The following HIPK4 variants were observed in gnomAD, a reference collection of about 807,000 sequenced individuals.
HIPK4 encodes homeodomain interacting protein kinase 4.
In HIPK4, 26 loss-of-function variants were observed where a neutral mutation model predicts 44.8. The observed-to-expected ratio is 0.58, with a 90% CI of 0.43 to 0.80. The LOEUF is 0.80. HIPK4 is among the 30% of genes least tolerant of loss of function. The pLI is 0.00. For missense variants in HIPK4, 729 were observed against 862.6 expected (o/e 0.85, Z 1.94); for synonymous variants, 340 against 355.5 (o/e 0.96, Z 0.49).
In HIPK4 at chr19:40,383,777, C is replaced by A. The variant is rs781211143; in HGVS notation, c.822+6G>T. ...ACTGACTGCCCTCACCCAACTTTTCCCTTACCTTCGTCTCGGCCAGGTAGT... is the reference window on the plus strand; with the variant it reads ...ACTGACTGCCCTCACCCAACTTTTCACTTACCTTCGTCTCGGCCAGGTAGT... On this transcript the variant is annotated splice_donor_region_variant and intron_variant, in intron 2 of 3. Coordinates refer to ENST00000291823, the MANE Select transcript of HIPK4 (RefSeq NM_144685.5). The A allele has an allele frequency of 2.5e-6, 4 of 1,595,402 alleles. No individual in the cohort carries two copies. The Admixed American group carries it at 6.9e-5, about 27-fold the overall frequency.
Position 40,384,047 on chromosome 19 carries a change from G to T in HIPK4, c.558C>A (p.Ile186=). The change falls in exon 2 of 4, where the codon ATC becomes ATA. Residue 186 remains isoleucine (I), a synonymous_variant. Coordinates refer to ENST00000291823, the MANE Select transcript of HIPK4 (RefSeq NM_144685.5). ...TCTCGCAGAAGGGCAGCCCCAGCAG[G>T]ATCTCAGGGGCCCGGTAGAAGCGCG... ...IQSRFYRAPE[I]LLGLPFCEKV... 2 of 1,613,926 alleles carry T rather than the reference G, an allele frequency of 1.2e-6. No homozygotes were observed. The highest frequency in any genetic ancestry group is 1.7e-6 in the Non-Finnish European group (2 of 1,179,826).
At chr19:40,387,453 T>A (rs2079368349) in intron 1 of HIPK4, among the ~76,000 whole-genome samples, 1 of 152,152 alleles carries the variant, frequency 6.6e-6, no homozygotes. Flanking sequence ...ACCCTGAATC[T>A]CCGTGACTCT....
intron 2 of HIPK4, 72 bp downstream of exon 2, chr19:40,383,711 G>T: frequency 8.3e-7 from 1 of 1,206,486 alleles, no homozygotes; most frequent in Non-Finnish European, 1.2e-6. Context: ...TGTGAGCCAC[G>T]TTGCCCACCC....
In HIPK4 at chr19:40,384,014, G is replaced by C; in HGVS notation, c.591C>G (p.Asp197Glu). 1.2e-6 allele frequency: 2 copies of C among 1,614,106 alleles called. No homozygotes were observed. Among genetic ancestry groups the C allele is most frequent in the Non-Finnish European group, 1.7e-6 (2 of 1,179,966 alleles). ...CCATGACGCAGCCCAGGGACCACACGTCCACCTTCTCGCAGAAGGGCAGCC... is the reference window on the plus strand; with the variant it reads ...CCATGACGCAGCCCAGGGACCACACCTCCACCTTCTCGCAGAAGGGCAGCC... Reference protein sequence around the residue: ...LLGLPFCEKVDVWSLGCVMAE... With the variant: ...LLGLPFCEKVEVWSLGCVMAE... Residue 197 changes from aspartate to glutamate, a missense_variant, in exon 2 of 4, where the codon GAC becomes GAG. This residue lies in a region of HIPK4 where 196 missense variants were observed against 295.1 expected (regional missense o/e 0.66). Coordinates refer to ENST00000291823, the MANE Select transcript of HIPK4 (RefSeq NM_144685.5).
In HIPK4 at chr19:40,386,388, C is replaced by G. The variant is rs573240672; in HGVS notation, c.466-2249G>C. ...TCCTTTTTAGAGACAGGGTCTTGCT[C>G]TATCACCCAGGCTGGAGTACAGTGG... On this transcript the variant is annotated intron_variant, in intron 1 of 3. Transcript: ENST00000291823. Among the ~76,000 whole-genome samples the G allele has an allele frequency of 2.4e-4, 37 of 152,182 alleles. No individual in the cohort carries two copies. The East Asian group carries it at 7.0e-3, about 29-fold the overall frequency.
Position 40,379,629 on chromosome 19 carries a change from CCGGGGTGGACCATGCT to C in HIPK4, c.1793_1808del (p.Gln598ArgfsTer28), listed in dbSNP as rs1173499492. 2.6e-6 allele frequency: 4 copies of C among 1,551,174 alleles called. No individual in the cohort carries two copies. Among genetic ancestry groups the C allele is most frequent in the Non-Finnish European group, 3.5e-6 (4 of 1,149,880 alleles). Reference sequence around the variant, plus strand: ...CATGCTGGAGGAAGCTGGTGGCCCCCCGGGGTGGACCATGCTGGTGGGAGCGGCGGGGTGGGAGCCC... The same window carrying C: ...CATGCTGGAGGAAGCTGGTGGCCCCCGGTGGGAGCGGCGGGGTGGGAGCCC... On this transcript the variant is annotated frameshift_variant, in exon 4 of 4. Coordinates refer to ENST00000291823, the MANE Select transcript of HIPK4 (RefSeq NM_144685.5). LOFTEE classifies it high-confidence loss of function.
rs1271788944 is a variant in HIPK4, at chr19:40,390,027, TCTC to T, written c.-128_-126del. 2.9e-6 allele frequency: 2 copies of T among 695,198 alleles called. No individual in the cohort carries two copies. The highest frequency in any genetic ancestry group is 3.6e-5 in the African/African-American group (2 of 55,498). The allele number at this position is 695,198 out of a possible 1,614,324, so 43.1% of individuals were successfully genotyped here. On this transcript the variant is annotated 5_prime_UTR_variant, in exon 1 of 4. Transcript: ENST00000291823. ...TGGGGGAAAGAGAACCGCACTCGTG[TCTC>T]CTCCTATGAGGTTGGCCCCTGCTTC... is the stretch of plus-strand genomic sequence containing the variant.
Position 40,380,090 on chromosome 19 carries a change from G to A in HIPK4, c.1668+233C>T. Among the ~76,000 whole-genome samples, 1 of 152,094 alleles carries A rather than the reference G, an allele frequency of 6.6e-6. No individual in the cohort carries two copies. The highest frequency in any genetic ancestry group is 1.5e-5 in the Non-Finnish European group (1 of 68,008). ...CTCTTTATCAAGCTTCTTATAAGTA[G>A]ATTACTGTGCCCTGAGTTTTTGTCA... On this transcript the variant is annotated intron_variant, in intron 3 of 3. Coordinates refer to ENST00000291823, the MANE Select transcript of HIPK4 (RefSeq NM_144685.5). The surrounding 1 kb of genome is among the most constrained non-coding windows in gnomAD (Gnocchi z 4.2).
chr19:40,381,267 G>A, intron 2 of HIPK4, 99 bp from the exon 3 acceptor site: 3 of 974,290 alleles, frequency 3.1e-6, no homozygotes, highest in Non-Finnish European at 4.6e-6. Flanking sequence ...CGACTTCCAG[G>A]TCTGCCCATG....
rs1415706003 is a variant in HIPK4 at position 40,380,989 on chromosome 19, T to C, written c.1002A>G (p.Glu334=). ...GCAGGGCAGCACTGGGGCTGATGCG[T>C]TCGTGTGACTCCCAGGTCAGCATGC... ...IKRMLTWESH[E]RISPSAALRH... The change falls in exon 3 of 4, where the codon GAA becomes GAG. Residue 334 remains glutamate, a synonymous_variant. Coordinates refer to ENST00000291823, the MANE Select transcript of HIPK4 (RefSeq NM_144685.5). This position sits in a 1 kb window ranked among gnomAD's most constrained non-coding sequence, Gnocchi z 4.2. The C allele has an allele frequency of 6.2e-6, 10 of 1,613,114 alleles. No individual in the cohort carries two copies. The highest frequency in any genetic ancestry group is 8.5e-6 in the Non-Finnish European group (10 of 1,180,022).
Position 40,389,228 on chromosome 19 carries a change from G to C in HIPK4, c.465+210C>G, listed in dbSNP as rs1260910898. On this transcript the variant is annotated intron_variant, in intron 1 of 3. Coordinates refer to ENST00000291823, the MANE Select transcript of HIPK4 (RefSeq NM_144685.5). The surrounding 1 kb of genome is among the most constrained non-coding windows in gnomAD (Gnocchi z 4.6). ...TAATCCCAGCAACTCGGGAGGCTGA[G>C]GCAGGATAATCACTTGAACCCAGGA... 6.6e-6 allele frequency among the ~76,000 whole-genome samples: 1 copy of C among 152,078 alleles called. No individual in the cohort carries two copies. The highest frequency in any genetic ancestry group is 2.4e-5 in the African/African-American group (1 of 41,396).
intron 2 of HIPK4, among the ~76,000 whole-genome samples, chr19:40,383,398 T>G (rs2079347319): frequency 6.6e-6 from 1 of 152,004 alleles, no homozygotes; most frequent in Non-Finnish European, 1.5e-5. Flanking sequence ...TTTTGTTCTT[T>G]TCACTCCATT....
intron 2 of HIPK4, among the ~76,000 whole-genome samples, chr19:40,381,784 CTTTTTTTTTTTTTTTTT>C (rs55780075): frequency 1.4e-5 from 1 of 72,260 alleles, no homozygotes; most frequent in Non-Finnish European, 2.6e-5. Flanking sequence ...CACTCAGATC[CTTTTTTTTTTTTTTTTT>C]TTTTTTTTTT....
At chr19:40,387,385 G>C (rs1029858154) in intron 1 of HIPK4, among the ~76,000 whole-genome samples, 2 of 152,124 alleles carry the variant, frequency 1.3e-5, no homozygotes, top group Non-Finnish European at 2.9e-5. Context: ...CCAACATTGC[G>C]AATGGCCGAA....
chr19:40,389,898 G>A lies in HIPK4; in HGVS notation c.5C>T (p.Ser2Phe). 6.2e-7 allele frequency: 1 copy of A among 1,604,414 alleles called. No homozygotes were observed. Among genetic ancestry groups the A allele is most frequent in the Non-Finnish European group, 8.5e-7 (1 of 1,178,572 alleles). The part of the protein sequence containing the change: M[S>F]TIQSETDCYD... The stretch of plus-strand genomic sequence containing the variant: ...GCAGTCAGTCTCCGACTGGATGGTG[G>A]ACATGGTGCCGCTGCTGCCAGACAC... Residue 2 changes from serine (S) to phenylalanine (F), a missense_variant, in exon 1 of 4, where the codon TCC becomes TTC. Around this residue, in one of 2 missense-constraint regions of HIPK4, gnomAD observed 196 missense variants for 295.1 expected, o/e 0.66. Coordinates refer to ENST00000291823, the MANE Select transcript of HIPK4 (RefSeq NM_144685.5). The surrounding 1 kb of genome is among the most constrained non-coding windows in gnomAD (Gnocchi z 4.6).
At position 40,380,621 on chromosome 19, in the gene HIPK4, A is replaced by G. The variant is rs746242632; in HGVS notation, c.1370T>C (p.Leu457Pro). Residue 457 changes from leucine (L) to proline (P), a missense_variant, in exon 3 of 4, where the codon CTC becomes CCC. This residue lies in a region of HIPK4 where 533 missense variants were observed against 567.5 expected (regional missense o/e 0.94). Transcript: ENST00000291823. The surrounding 1 kb of genome is among the most constrained non-coding windows in gnomAD (Gnocchi z 4.2). ...ATGGTGGCCAGTGATGGCTGCCTTG[A>G]GGGGGACCATCATGTCGGAGACCGC... ...TNAVSDMMVP[L>P]KAAITGHHVP... The G allele has an allele frequency of 3.7e-6, 6 of 1,613,452 alleles. No individual in the cohort carries two copies. In the Admixed American group the frequency reaches 6.7e-5, roughly 18 times the overall value.
At chr19:40,381,275 ATGATCTGCCT>A in intron 2 of HIPK4, 107 bp from the exon 3 acceptor site, 1 of 919,874 alleles carries the variant, frequency 1.1e-6, no homozygotes, top group Non-Finnish European at 1.6e-6. Flanking sequence ...AGGTCTGCCC[ATGATCTGCCT>A]TGGAGCTCTC....
chr19:40,384,819 C>T (rs1354163767), intron 1 of HIPK4, among the ~76,000 whole-genome samples: 7 of 151,952 alleles, frequency 4.6e-5, no homozygotes, highest in Non-Finnish European at 1.0e-4. Context: ...ACCCTGTTGG[C>T]CAGGCTGGTC....
At chr19:40,379,878 C>T in intron 3 of HIPK4, 109 bp from the exon 4 acceptor site, 2 of 1,163,732 alleles carry the variant, frequency 1.7e-6, no homozygotes, top group Non-Finnish European at 2.4e-6. Context: ...AGGGTCTTAC[C>T]AGTGCTGGGC....
Sources: allele counts gnomAD v4.1 joint callset (sites outside exome capture counted in the v4.1 genomes callset), GRCh38; gene constraint gnomAD v4.1.1; regional missense constraint gnomAD v4.1.1; non-coding constraint Gnocchi (gnomAD v3.1); transcripts MANE v1.5; gene names NCBI Gene and HGNC (gene_info 2026-07-23, HGNC 2026-07-21).